Variants in ARB2A observed in about 807,000 individuals in gnomAD.
ARB2A encodes ARB2 cotranscriptional regulator A.
At chr5:94,028,122 T>C in the ARB2A span, among the ~76,000 whole-genome samples, 1 of 152,248 alleles carries the variant, frequency 6.6e-6, no homozygotes, top group African/African-American at 2.4e-5. Flanking sequence ...TCTTATTTTA[T>C]TGCAAGCTGT....
At chr5:93,980,114 C>G in the ARB2A span, among the ~76,000 whole-genome samples, 1 of 152,132 alleles carries the variant, frequency 6.6e-6, no homozygotes, top group Non-Finnish European at 1.5e-5. Flanking sequence ...GCTCAGCATT[C>G]TTTCTTAGTT....
the ARB2A span, among the ~76,000 whole-genome samples, chr5:93,688,509 T>C: frequency 2.6e-5 from 4 of 152,344 alleles, no homozygotes; most frequent in Non-Finnish European, 5.9e-5. Flanking sequence ...AAAACCTCTG[T>C]TGATTCCTCC....
At chr5:93,627,449 T>G in the ARB2A span, among the ~76,000 whole-genome samples, 12 of 148,800 alleles carry the variant, frequency 8.1e-5, no homozygotes, top group Non-Finnish European at 1.0e-4. Flanking sequence ...TTTTGTTTTT[T>G]TTTTTTTTTT....
At chr5:93,674,463 A>C in the ARB2A span, among the ~76,000 whole-genome samples, 1 of 152,220 alleles carries the variant, frequency 6.6e-6, no homozygotes, top group Non-Finnish European at 1.5e-5. Flanking sequence ...GCACACACAA[A>C]AAAGAATATG....
chr5:93,931,739 T>A, the ARB2A span, among the ~76,000 whole-genome samples: 16 of 147,424 alleles, frequency 1.1e-4, no homozygotes, highest in East Asian at 1.6e-3. Context: ...GCAGTCAGAT[T>A]AAAAAAAAAA....
At chr5:93,791,249 C>G in the ARB2A span, among the ~76,000 whole-genome samples, 1 of 152,170 alleles carries the variant, frequency 6.6e-6, no homozygotes, top group Non-Finnish European at 1.5e-5. Flanking sequence ...TGGCTTATGA[C>G]TATTAAACTG....
the ARB2A span, chr5:93,618,131 G>A: frequency 1.3e-5 from 2 of 150,982 alleles, no homozygotes; most frequent in East Asian, 1.9e-4. Flanking sequence ...GGAAAAGCTT[G>A]TGCTTTCCTT....
chr5:93,857,579 C>A, the ARB2A span, among the ~76,000 whole-genome samples: 2 of 152,154 alleles, frequency 1.3e-5, no homozygotes, highest in Admixed American at 1.3e-4. Context: ...GGGCGTAGGA[C>A]CCTCCGAGCC....
chr5:93,802,163 T>C, the ARB2A span, among the ~76,000 whole-genome samples: 1 of 152,060 alleles, frequency 6.6e-6, no homozygotes, highest in African/African-American at 2.4e-5. Flanking sequence ...CAAGATATAT[T>C]TTCTCTGATA....
chr5:93,624,019 T>C, the ARB2A span, among the ~76,000 whole-genome samples: 1 of 152,142 alleles, frequency 6.6e-6, no homozygotes, highest in Non-Finnish European at 1.5e-5. Context: ...TACAGATGAA[T>C]ATGAAACTCT....
At chr5:94,070,823 T>C in the ARB2A span, among the ~76,000 whole-genome samples, 7 of 151,714 alleles carry the variant, frequency 4.6e-5, no homozygotes, top group Admixed American at 1.3e-4. Context: ...ATTAGGAAAA[T>C]GCAAATTAAA....
the ARB2A span, among the ~76,000 whole-genome samples, chr5:94,089,423 T>C: frequency 2.6e-5 from 4 of 152,216 alleles, no homozygotes; most frequent in Non-Finnish European, 4.4e-5. Flanking sequence ...CTCAGTTTGC[T>C]AGAAGACCGC....
At chr5:93,809,933 C>T in the ARB2A span, among the ~76,000 whole-genome samples, 4 of 152,016 alleles carry the variant, frequency 2.6e-5, no homozygotes, top group East Asian at 3.9e-4. Flanking sequence ...AGAATATTAT[C>T]GTCTAATATT....
At chr5:93,982,800 A>G in the ARB2A span, among the ~76,000 whole-genome samples, 1 of 152,218 alleles carries the variant, frequency 6.6e-6, no homozygotes, top group African/African-American at 2.4e-5. Flanking sequence ...CATGCCGGTA[A>G]TCCCAGCACT....
chr5:93,664,872 G>A, the ARB2A span, among the ~76,000 whole-genome samples: 1 of 151,952 alleles, frequency 6.6e-6, no homozygotes, highest in African/African-American at 2.4e-5. Flanking sequence ...TGTCACCCAG[G>A]CTGGAGTGCA....
the ARB2A span, among the ~76,000 whole-genome samples, chr5:94,027,277 T>A: frequency 6.6e-6 from 1 of 152,324 alleles, no homozygotes; most frequent in East Asian, 1.9e-4. Flanking sequence ...AATTCCTACC[T>A]GATGTCTTTT....
At chr5:93,906,709 T>G in the ARB2A span, among the ~76,000 whole-genome samples, 5 of 151,588 alleles carry the variant, frequency 3.3e-5, no homozygotes, top group Non-Finnish European at 5.9e-5. Context: ...TTACTTACAT[T>G]AGACATGCAA....
chr5:94,025,598 G>T, the ARB2A span, among the ~76,000 whole-genome samples: 1 of 152,122 alleles, frequency 6.6e-6, no homozygotes, highest in Non-Finnish European at 1.5e-5. Flanking sequence ...AGACCTAAGC[G>T]AAACCAATAG....
chr5:93,872,436 TATC>T, the ARB2A span, among the ~76,000 whole-genome samples: 2 of 152,186 alleles, frequency 1.3e-5, no homozygotes, highest in Non-Finnish European at 2.9e-5. Flanking sequence ...CTTTTTACCA[TATC>T]ATATTTATGA....
Sources: allele counts gnomAD v4.1 joint callset (sites outside exome capture counted in the v4.1 genomes callset), GRCh38; gene constraint gnomAD v4.1.1; transcripts MANE v1.5; gene names NCBI Gene and HGNC (gene_info 2026-07-23, HGNC 2026-07-21).